STK24: variants seen among roughly 807,000 people sequenced by gnomAD.
STK24 encodes serine/threonine-protein kinase 24.
A neutral mutation model predicts 55.6 loss-of-function variants in STK24; 21 were observed. That is an observed-to-expected ratio of 0.38 (90% CI 0.27 to 0.54). STK24 has a LOEUF of 0.54. Among genes scored for constraint, STK24 ranks in the 20% least tolerant of loss-of-function variants. The pLI is 0.79. For synonymous variants in STK24, 200 were observed against 215.2 expected, an observed-to-expected ratio of 0.93 and a Z score of 0.62; for missense variants, 383 against 538.4, an observed-to-expected ratio of 0.71 and a Z score of 2.86.
At chr13:98,497,085 G>A (rs1895277683) in intron 2 of STK24, among the ~76,000 whole-genome samples, 1 of 152,146 alleles carries the variant, frequency 6.6e-6, no homozygotes, top group African/African-American at 2.4e-5. Flanking sequence ...CAGCCCCAGG[G>A]ACAGGCACCC....
chr13:98,455,014 A>G (rs1190892112), intron 10 of STK24: 2 of 152,254 alleles, frequency 1.3e-5, no homozygotes, highest in Non-Finnish European at 2.9e-5. Context: ...CCCAGCCACG[A>G]TGCCCAGTGA....
chr13:98,561,043 A>T (rs1270705265), intron 1 of STK24, among the ~76,000 whole-genome samples: 1 of 151,982 alleles, frequency 6.6e-6, no homozygotes, highest in East Asian at 1.9e-4. Flanking sequence ...GAATGCTCAC[A>T]CTCTCAAGGA....
In STK24 at chr13:98,506,817, G is replaced by A. The variant is rs556887502; in HGVS notation, c.273+12426C>T. Among the ~76,000 whole-genome samples the A allele has an allele frequency of 2.0e-3, 306 of 152,364 alleles. 3 individuals carry two copies. The Middle Eastern group carries it at 0.024, about 12-fold the overall frequency. On this transcript the variant is annotated intron_variant, in intron 2 of 10. Coordinates refer to ENST00000539966, the MANE Select transcript of STK24 (RefSeq NM_001032296.4). ...GAACTACCCAATAAATACGGTGGCC[G>A]TGAGTAAGAATTCAATGCTAGGACA...
intron 1 of STK24, among the ~76,000 whole-genome samples, chr13:98,529,084 C>T (rs1409373267): frequency 1.3e-5 from 2 of 152,194 alleles, no homozygotes; most frequent in Admixed American, 6.5e-5. Flanking sequence ...TGGAAACCTA[C>T]CTGTTGGCCT....
chr13:98,496,760 T>C (rs1243617527), intron 2 of STK24, among the ~76,000 whole-genome samples: 1 of 152,214 alleles, frequency 6.6e-6, no homozygotes, highest in Non-Finnish European at 1.5e-5. Context: ...CCAAAACCCA[T>C]TCCTTTAGAG....
Position 98,507,655 on chromosome 13 carries a change from GC to G in STK24, c.273+11587del, listed in dbSNP as rs1231210559. ...TGCAAATAACTTAAAAGACAAGTAT[GC>G]CCAGTGTCTGCAGATGAGGAAACAG... is the stretch of plus-strand genomic sequence containing the variant. On this transcript the variant is annotated intron_variant, in intron 2 of 10. Transcript: ENST00000539966. Among the ~76,000 whole-genome samples the G allele has an allele frequency of 2.6e-5, 4 of 152,136 alleles. No homozygotes were observed. The East Asian group carries it at 7.7e-4, about 29-fold the overall frequency.
intron 1 of STK24, among the ~76,000 whole-genome samples, chr13:98,559,620 A>G (rs1412100014): frequency 6.6e-6 from 1 of 152,142 alleles, no homozygotes; most frequent in African/African-American, 2.4e-5. Context: ...CTTACGTACC[A>G]TTTTTCGTAA....
At chr13:98,476,249 C>CA (rs1164748731) in intron 3 of STK24, among the ~76,000 whole-genome samples, 1 of 148,602 alleles carries the variant, frequency 6.7e-6, no homozygotes, top group Non-Finnish European at 1.5e-5. Context: ...AGCCCCCCCC[C>CA]GCCCCCTGCA....
At chr13:98,490,691 C>T (rs1174431491) in intron 2 of STK24, among the ~76,000 whole-genome samples, 3 of 152,104 alleles carry the variant, frequency 2.0e-5, no homozygotes, top group Non-Finnish European at 2.9e-5. Context: ...TGACAGCTTC[C>T]AGTGTTGGAG....
intron 1 of STK24, among the ~76,000 whole-genome samples, chr13:98,570,021 C>A (rs532569162): frequency 6.6e-6 from 1 of 151,852 alleles, no homozygotes; most frequent in South Asian, 2.1e-4. Flanking sequence ...GGAATACATG[C>A]GCCCACCACC....
intron 3 of STK24, 142 bp downstream of exon 3, chr13:98,482,123 A>C (rs1185983859): frequency 8.8e-6 from 4 of 454,160 alleles, no homozygotes; most frequent in Middle Eastern, 3.7e-4. Flanking sequence ...AAGCAAAAAA[A>C]CACGTAAGGA....
At chr13:98,544,623 T>C (rs1433336092) in intron 1 of STK24, among the ~76,000 whole-genome samples, 1 of 152,202 alleles carries the variant, frequency 6.6e-6, no homozygotes, top group Non-Finnish European at 1.5e-5. Flanking sequence ...CCAGGGTACA[T>C]GGCAGGTCCC....
intron 8 of STK24, among the ~76,000 whole-genome samples, chr13:98,460,877 T>TAA (rs138653586): frequency 1.9e-4 from 28 of 144,426 alleles, no homozygotes; most frequent in Middle Eastern, 3.4e-3. Flanking sequence ...ATGTTTCTAT[T>TAA]AAAAAAAAAA....
At chr13:98,486,742 A>C (rs1485952823) in intron 2 of STK24, among the ~76,000 whole-genome samples, 1 of 152,228 alleles carries the variant, frequency 6.6e-6, no homozygotes, top group African/African-American at 2.4e-5. Context: ...GACGCTGACA[A>C]ATCTGACATG....
chr13:98,475,820 G>T (rs1894349154), intron 3 of STK24, among the ~76,000 whole-genome samples: 1 of 152,210 alleles, frequency 6.6e-6, no homozygotes, highest in Admixed American at 6.5e-5. Flanking sequence ...GAGCAGCCAG[G>T]ATCTGTCCTA....
intron 9 of STK24, among the ~76,000 whole-genome samples, chr13:98,459,026 T>C (rs2139247870): frequency 6.6e-6 from 1 of 152,346 alleles, no homozygotes; most frequent in Middle Eastern, 3.4e-3. Context: ...GGATATGTCC[T>C]GAATAATTAT....
intron 1 of STK24, among the ~76,000 whole-genome samples, chr13:98,525,423 G>A (rs746321292): frequency 1.3e-5 from 2 of 152,154 alleles, no homozygotes; most frequent in Admixed American, 1.3e-4. Context: ...TGGGAGGTCA[G>A]GACACATGGA....
At chr13:98,504,860 C>T (rs1216544144) in intron 2 of STK24, among the ~76,000 whole-genome samples, 6 of 152,012 alleles carry the variant, frequency 3.9e-5, no homozygotes, top group African/African-American at 7.3e-5. Context: ...GAGGCAGGTT[C>T]GGGCTGATGA....
chr13:98,446,516 C>G lies in STK24; in HGVS notation c.*6657G>C, dbSNP rs1257556296. The G allele has an allele frequency of 3.9e-6, 3 of 774,666 alleles. No individual in the cohort carries two copies. Among genetic ancestry groups the G allele is most frequent in the Non-Finnish European group, 6.3e-6 (3 of 473,936 alleles). The allele number at this position is 774,666 out of a possible 1,614,324, so 48.0% of individuals were successfully genotyped here. A position where few individuals can be genotyped will look rare whatever the true frequency, so the allele number is the denominator to read the frequency against. ...TGCCACCCGGGCCATCACGTACAGGCAAACACTGGCTGCCATGGTCCCTTC... is the reference window on the plus strand; with the variant it reads ...TGCCACCCGGGCCATCACGTACAGGGAAACACTGGCTGCCATGGTCCCTTC... On this transcript the variant is annotated 3_prime_UTR_variant, in exon 11 of 11. Transcript: ENST00000539966.
Sources: gnomAD v4.1 joint callset for allele counts (sites outside exome capture counted in the v4.1 genomes callset) on GRCh38, gnomAD v4.1.1 for gene constraint, MANE v1.5 for transcripts, NCBI Gene and HGNC (gene_info 2026-07-23, HGNC 2026-07-21) for gene names.